Variants in GASK1B observed in about 807,000 individuals in gnomAD.
GASK1B encodes the protein Golgi-associated kinase 1B.
Under a neutral mutation model 42.8 loss-of-function variants are expected in GASK1B, and 34 were observed. That is an observed-to-expected ratio of 0.79 (90% CI 0.60 to 1.06). The LOEUF (loss-of-function observed/expected upper bound fraction) is 1.06. Ranked by LOEUF, GASK1B falls within the 50% of genes least tolerant of loss-of-function variation. GASK1B has a pLI of 0.00. For missense variants in GASK1B, 686 were observed against 661.0 expected (o/e 1.04, Z -0.42); for synonymous variants, 262 against 259.1 (o/e 1.01, Z -0.11).
At chr4:158,131,074 AG>A (rs1730666029) in intron 3 of GASK1B, 62 bp from the exon 4 acceptor site, 6 of 1,386,216 alleles carry the variant, frequency 4.3e-6, no homozygotes, top group Non-Finnish European at 6.0e-6. Context: ...GAAAGTTACA[AG>A]ATTTTCAAAG....
intron 4 of GASK1B, among the ~76,000 whole-genome samples, chr4:158,128,381 T>G (rs1328518343): frequency 2.0e-5 from 3 of 152,184 alleles, no homozygotes; most frequent in Non-Finnish European, 4.4e-5. Flanking sequence ...CTTGCTTTTC[T>G]TCGTTTAGAA....
chr4:158,168,667 T>C (rs1399561892), intron 2 of GASK1B: 1 of 152,162 alleles, frequency 6.6e-6, no homozygotes, highest in Non-Finnish European at 1.5e-5. Flanking sequence ...AGTTCAAACC[T>C]AGTCAGTCCA....
intron 3 of GASK1B, among the ~76,000 whole-genome samples, chr4:158,140,299 A>G (rs1014006420): frequency 6.6e-6 from 1 of 152,180 alleles, no homozygotes; most frequent in African/African-American, 2.4e-5. Flanking sequence ...AGCTCCATAT[A>G]TCTCTTAGTG....
At chr4:158,149,108 C>T (rs151122740) in intron 3 of GASK1B, among the ~76,000 whole-genome samples, 12 of 152,250 alleles carry the variant, frequency 7.9e-5, no homozygotes, top group African/African-American at 2.9e-4. Context: ...TTTTCCCTAT[C>T]CTCTCTATCA....
chr4:158,162,766 T>G (rs931124933), intron 2 of GASK1B, among the ~76,000 whole-genome samples: 1 of 152,170 alleles, frequency 6.6e-6, no homozygotes, highest in African/African-American at 2.4e-5. Flanking sequence ...ATGGCTACAT[T>G]CAGGGATCAG....
chr4:158,127,201 T>C lies in GASK1B; in HGVS notation c.*206A>G, dbSNP rs1247345386. ...TGTTAGAGAAAAATATAAACAAATA[T>C]TTCTCAAGTAGTTTGTTTTTCAAAA... On this transcript the variant is annotated 3_prime_UTR_variant, in exon 5 of 5. Transcript: ENST00000585682. 1 of 414,368 alleles carries C rather than the reference T, an allele frequency of 2.4e-6. No individual in the cohort carries two copies. 25.7% of individuals were successfully genotyped at this position (414,368 alleles called of 1,614,324 possible).
chr4:158,168,076 A>C (rs1424563383), intron 2 of GASK1B, among the ~76,000 whole-genome samples: 1 of 152,212 alleles, frequency 6.6e-6, no homozygotes, highest in Non-Finnish European at 1.5e-5. Flanking sequence ...TCATTTCATG[A>C]GCCCCTGGAG....
Position 158,130,969 on chromosome 4 carries a change from C to T in GASK1B, c.1169G>A (p.Arg390His), listed in dbSNP as rs75045140. The T allele has an allele frequency of 6.2e-6, 10 of 1,613,846 alleles. No homozygotes were observed. The African/African-American group carries it at 1.1e-4, about 17-fold the overall frequency. The change falls in exon 4 of 5, where the codon CGC (arginine) becomes CAC (histidine). Residue 390 changes from arginine (R) to histidine (H), a missense_variant. Coordinates refer to ENST00000585682, the MANE Select transcript of GASK1B (RefSeq NM_001128424.2). ...ATTCTGTACACAGGCATCTTCCTTG[C>T]GAGGTCTGAATCCACAGCAATTTGT... is the stretch of plus-strand genomic sequence containing the variant. The part of the protein sequence containing the change: ...LDTNCCGFRP[R>H]KEDACVQNGL...
chr4:158,153,150 G>C (rs1261375015), intron 3 of GASK1B, among the ~76,000 whole-genome samples: 1 of 152,140 alleles, frequency 6.6e-6, no homozygotes. Flanking sequence ...CTTCAGTAAA[G>C]CTTCGGGATA....
Position 158,170,560 on chromosome 4 carries a change from C to A in GASK1B, c.816G>T (p.Leu272Phe). ...PSPCGLLKQPLDMSEVFAFHL... is the reference protein window; with the variant it reads ...PSPCGLLKQPFDMSEVFAFHL... ...GGAAGGCAAACACCTCACTCATGTC[C>A]AAGGGCTGCTTGAGAAGCCCACAGG... The change falls in exon 2 of 5, where the codon TTG (leucine) becomes TTT (phenylalanine). Residue 272 changes from leucine (L) to phenylalanine (F), a missense_variant. Transcript: ENST00000585682. 1 of 1,614,214 alleles carries A rather than the reference C, an allele frequency of 6.2e-7. No individual in the cohort carries two copies. The highest frequency in any genetic ancestry group is 1.7e-5 in the Admixed American group (1 of 60,036).
chr4:158,127,474 TGTTC>T lies in GASK1B; in HGVS notation c.1489_1492del (p.Glu497ThrfsTer20). The T allele has an allele frequency of 6.2e-7, 1 of 1,613,830 alleles. No homozygotes were observed. Among genetic ancestry groups the T allele is most frequent in the African/African-American group, 1.3e-5 (1 of 75,030 alleles). The stretch of plus-strand genomic sequence containing the variant: ...ATAGGTGATAAGAATTTTGGCTCTG[TGTTC>T]TATTACATCGATAAGCTTTTCAATT... On this transcript the variant is annotated frameshift_variant, in exon 5 of 5. Transcript: ENST00000585682. LOFTEE classifies it high-confidence loss of function.
intron 2 of GASK1B, chr4:158,170,106 G>A: frequency 1.2e-6 from 1 of 838,086 alleles, no homozygotes; most frequent in Non-Finnish European, 1.8e-6. Context: ...TAGTATGCCT[G>A]ACTGTCAGCA....
intron 2 of GASK1B, chr4:158,159,527 T>G (rs1409450210): frequency 2.2e-6 from 1 of 450,968 alleles, no homozygotes; most frequent in Non-Finnish European, 4.4e-6. Context: ...CTGAAGTGTT[T>G]CAGAGATGAG....
intron 2 of GASK1B, among the ~76,000 whole-genome samples, chr4:158,164,563 C>G (rs184437087): frequency 6.6e-6 from 1 of 152,274 alleles, no homozygotes; most frequent in Non-Finnish European, 1.5e-5. Flanking sequence ...AAAGAAATAG[C>G]CTTAGGGCTT....
At chr4:158,148,403 C>G (rs1187331399) in intron 3 of GASK1B, among the ~76,000 whole-genome samples, 1 of 152,068 alleles carries the variant, frequency 6.6e-6, no homozygotes, top group African/African-American at 2.4e-5. Flanking sequence ...TTGTAAAATG[C>G]CACAACACCT....
chr4:158,134,159 C>G (rs1730793481), intron 3 of GASK1B, among the ~76,000 whole-genome samples: 1 of 151,618 alleles, frequency 6.6e-6, no homozygotes, highest in Admixed American at 6.6e-5. Context: ...AACTTGACCA[C>G]AAAAACATAA....
At chr4:158,165,055 G>C (rs1732173521) in intron 2 of GASK1B, among the ~76,000 whole-genome samples, 1 of 152,192 alleles carries the variant, frequency 6.6e-6, no homozygotes, top group Admixed American at 6.5e-5. Context: ...CCTTAATTCA[G>C]TCTGACAGCT....
At chr4:158,129,197 C>T (rs570535822) in intron 4 of GASK1B, among the ~76,000 whole-genome samples, 114 of 152,204 alleles carry the variant, frequency 7.5e-4, no homozygotes, top group Non-Finnish European at 1.4e-3. Context: ...TGTAAATCTT[C>T]TTTGAAAGAA....
intron 3 of GASK1B, among the ~76,000 whole-genome samples, chr4:158,142,628 A>T (rs551807368): frequency 5.3e-5 from 8 of 152,324 alleles, no homozygotes; most frequent in Admixed American, 2.6e-4. Flanking sequence ...TTCCCAGTGA[A>T]CTAGTGGATC....
Sources: gnomAD v4.1 joint callset for allele counts (sites outside exome capture counted in the v4.1 genomes callset) on GRCh38, gnomAD v4.1.1 for gene constraint, MANE v1.5 for transcripts, NCBI Gene and HGNC (gene_info 2026-07-23, HGNC 2026-07-21) for gene names.